TOGARAM1: variants seen among roughly 807,000 people sequenced by gnomAD.
The protein encoded by TOGARAM1 is TOG array regulator of axonemal microtubules protein 1.
A neutral mutation model predicts 166.6 loss-of-function variants in TOGARAM1; 100 were observed. The ratio of observed to expected loss-of-function variants is 0.60; its 90% CI spans 0.51 to 0.71. The LOEUF (loss-of-function observed/expected upper bound fraction) is 0.71, where lower values mean the gene tolerates loss of function less well. Among genes scored for constraint, TOGARAM1 ranks in the 30% least tolerant of loss-of-function variants. TOGARAM1 has a pLI of 0.00. For missense variants in TOGARAM1, 2,029 were observed against 2,102.7 expected, an observed-to-expected ratio of 0.96 and a Z score of 0.69; for synonymous variants, 758 against 763.8, an observed-to-expected ratio of 0.99 and a Z score of 0.13.
At position 44,964,348 on chromosome 14, in the gene TOGARAM1, A is replaced by G. The variant is rs776602927; in HGVS notation, c.1927A>G (p.Thr643Ala). The G allele has an allele frequency of 1.9e-6, 3 of 1,614,106 alleles. No individual in the cohort carries two copies. The highest frequency in any genetic ancestry group is 3.3e-5 in the Admixed American group (2 of 60,008). The stretch of plus-strand genomic sequence containing the variant: ...GCACATTTATGGATCTTACAGCCCA[A>G]CTATCTGTACCCGAAGGGTATTAAG... Reference protein sequence around the residue: ...SMHIYGSYSPTICTRRVLSAG... With the variant: ...SMHIYGSYSPAICTRRVLSAG... Residue 643 changes from threonine to alanine, a missense_variant, in exon 1 of 20, where the codon ACT (threonine) becomes GCT (alanine). By Grantham distance (58) the Thr-to-Ala change is moderately conservative. Transcript: ENST00000361462.
intron 1 of TOGARAM1, among the ~76,000 whole-genome samples, chr14:44,967,012 T>G (rs1386475940): frequency 6.6e-6 from 1 of 152,106 alleles, no homozygotes; most frequent in Non-Finnish European, 1.5e-5. Flanking sequence ...CTTTGGTTTT[T>G]TTTTTCTTGC....
Position 44,964,110 on chromosome 14 carries a change from T to C in TOGARAM1, c.1689T>C (p.Asp563=). The C allele has an allele frequency of 6.2e-7, 1 of 1,614,170 alleles. No individual in the cohort carries two copies. Among genetic ancestry groups the C allele is most frequent in the Non-Finnish European group, 8.5e-7 (1 of 1,180,028 alleles). ...CAGTTGAACTGCAAGATAATGGAGA[T>C]GGAGTGATGAATGCTGTGCAGGCCA... ...VDTVELQDNG[D]GVMNAVQARL... The change falls in exon 1 of 20, where the codon GAT becomes GAC. Residue 563 remains aspartate, a synonymous_variant. Transcript: ENST00000361462.
rs752496427 is a variant in TOGARAM1 at position 44,962,741 on chromosome 14, G to C, written c.320G>C (p.Arg107Pro). 7.4e-6 allele frequency: 12 copies of C among 1,613,688 alleles called. 1 individual carries two copies. Among genetic ancestry groups the C allele is most frequent in the Non-Finnish European group, 9.3e-6 (11 of 1,180,018 alleles). ...CTCCTTCAACTCCTCCGCACTGCCC[G>C]GGATCCTTCTGAGGCCTTCCAGGCT... ...TRLLQLLRTARDPSEAFQALQ... is the reference protein window; with the variant it reads ...TRLLQLLRTAPDPSEAFQALQ... The change falls in exon 1 of 20, where the codon CGG (arginine) becomes CCG (proline). Residue 107 changes from arginine to proline, a missense_variant. Arg to Pro is a moderately radical substitution (Grantham distance 103). Around this residue, in one of 2 missense-constraint regions of TOGARAM1, gnomAD observed 1,453 missense variants for 1,432.2 expected, o/e 1.01. Coordinates refer to ENST00000361462, the MANE Select transcript of TOGARAM1 (RefSeq NM_001308120.2).
intron 16 of TOGARAM1, among the ~76,000 whole-genome samples, chr14:45,063,096 G>C (rs889658490): frequency 2.0e-5 from 3 of 151,946 alleles, no homozygotes; most frequent in African/African-American, 7.3e-5. Flanking sequence ...TTATACTTAC[G>C]TTTATATTAA....
intron 15 of TOGARAM1, among the ~76,000 whole-genome samples, chr14:45,053,141 C>T (rs936567848): frequency 1.3e-5 from 2 of 150,270 alleles, no homozygotes; most frequent in African/African-American, 2.5e-5. Flanking sequence ...TGGGTTCAAG[C>T]GATTCTCCTG....
At chr14:45,018,537 C>G (rs1004745279) in intron 7 of TOGARAM1, among the ~76,000 whole-genome samples, 3 of 152,202 alleles carry the variant, frequency 2.0e-5, no homozygotes, top group African/African-American at 4.8e-5. Flanking sequence ...AGCCACCACA[C>G]CTAGCCTGCC....
chr14:45,003,191 T>C (rs937607519), intron 3 of TOGARAM1, among the ~76,000 whole-genome samples: 4 of 152,044 alleles, frequency 2.6e-5, no homozygotes, highest in African/African-American at 9.7e-5. Flanking sequence ...CAGATATGAA[T>C]TAAAAAAATA....
At chr14:44,968,892 G>T (rs1301774871) in intron 1 of TOGARAM1, among the ~76,000 whole-genome samples, 2 of 152,092 alleles carry the variant, frequency 1.3e-5, no homozygotes, top group Non-Finnish European at 2.9e-5. Flanking sequence ...TAAATTCTCT[G>T]TTCTCTACAT....
chr14:45,031,479 C>G (rs1365657836), intron 10 of TOGARAM1, among the ~76,000 whole-genome samples: 1 of 152,130 alleles, frequency 6.6e-6, no homozygotes, highest in Non-Finnish European at 1.5e-5. Flanking sequence ...GCCACTAATT[C>G]TATATCGATA....
At chr14:45,046,770 A>G (rs1404231975) in intron 14 of TOGARAM1, 67 bp downstream of exon 14, 1 of 1,196,840 alleles carries the variant, frequency 8.4e-7, no homozygotes, top group Non-Finnish European at 1.1e-6. Context: ...AAAGAAAGAA[A>G]GTTTAAAGAA....
chr14:45,011,811 GTA>G (rs1555346468), intron 6 of TOGARAM1, 162 bp from the exon 7 acceptor site: 3 of 513,258 alleles, frequency 5.8e-6, no homozygotes, highest in Non-Finnish European at 3.5e-6. Flanking sequence ...GTGTGTGTGT[GTA>G]TACACACACA....
At chr14:44,989,513 AAGG>A (rs1471731281) in intron 1 of TOGARAM1, among the ~76,000 whole-genome samples, 2 of 151,974 alleles carry the variant, frequency 1.3e-5, no homozygotes, top group Non-Finnish European at 2.9e-5. Context: ...TGAGTTTTGG[AAGG>A]AGAAGAGTAA....
At chr14:45,009,856 T>A (rs1408573041) in intron 6 of TOGARAM1, among the ~76,000 whole-genome samples, 1 of 152,220 alleles carries the variant, frequency 6.6e-6, no homozygotes, top group African/African-American at 2.4e-5. Context: ...CCTTCCTCTT[T>A]TATTTTAGAC....
At chr14:45,066,899 A>G in intron 17 of TOGARAM1, 132 bp downstream of exon 17, 1 of 561,820 alleles carries the variant, frequency 1.8e-6, no homozygotes, top group South Asian at 3.5e-5. Flanking sequence ...CCTGGGCAAC[A>G]TAGCAAGACC....
chr14:45,029,405 G>A (rs560675215), intron 10 of TOGARAM1, among the ~76,000 whole-genome samples: 1 of 152,226 alleles, frequency 6.6e-6, no homozygotes, highest in East Asian at 1.9e-4. Flanking sequence ...TGTGATTTTT[G>A]CCTACAATGT....
At chr14:44,989,585 T>C (rs1213888520) in intron 1 of TOGARAM1, among the ~76,000 whole-genome samples, 2 of 152,050 alleles carry the variant, frequency 1.3e-5, no homozygotes, top group East Asian at 3.9e-4. Flanking sequence ...ATTCTCATAC[T>C]ACTATAAAGA....
intron 16 of TOGARAM1, among the ~76,000 whole-genome samples, chr14:45,059,404 TTGGGAGGCTGAGG>T (rs759069470): frequency 6.6e-6 from 1 of 152,154 alleles, no homozygotes; most frequent in Admixed American, 6.5e-5. Flanking sequence ...TCCTAGCACT[TTGGGAGGCTGAGG>T]TGGATGGATT....
At chr14:45,023,301 G>A (rs780216595) in intron 7 of TOGARAM1, among the ~76,000 whole-genome samples, 4 of 152,134 alleles carry the variant, frequency 2.6e-5, no homozygotes, top group Admixed American at 1.3e-4. Flanking sequence ...AATGTGGCTG[G>A]GTTGAGTTGC....
At chr14:45,003,381 T>C (rs1887776510) in intron 3 of TOGARAM1, among the ~76,000 whole-genome samples, 1 of 151,844 alleles carries the variant, frequency 6.6e-6, no homozygotes. Flanking sequence ...AAAAGATCAA[T>C]AAAAGGCAAG....
Sources: allele counts gnomAD v4.1 joint callset (sites outside exome capture counted in the v4.1 genomes callset), GRCh38; gene constraint gnomAD v4.1.1; regional missense constraint gnomAD v4.1.1; transcripts MANE v1.5; gene names NCBI Gene and HGNC (gene_info 2026-07-23, HGNC 2026-07-21).